Variants in COL5A2 observed in about 807,000 individuals in gnomAD.
COL5A2 encodes collagen alpha-2(V) chain.
In COL5A2, 23 loss-of-function variants were observed where a neutral mutation model predicts 208.2. The observed-to-expected ratio is 0.11, with a 90% CI of 0.08 to 0.16. The LOEUF (loss-of-function observed/expected upper bound fraction) is 0.16. Among genes scored for constraint, COL5A2 ranks in the 10% least tolerant of loss-of-function variants. The probability of loss-of-function intolerance (pLI) is 1.00; values close to 1 mark genes in which losing one functional copy is unlikely to be tolerated. For missense variants in COL5A2, 1,590 were observed against 1,956.4 expected (o/e 0.81, Z 3.53); for synonymous variants, 625 against 628.5 (o/e 0.99, Z 0.08).
At chr2:189,245,235 C>A in the COL5A2 span, among the ~76,000 whole-genome samples, 20 of 151,900 alleles carry the variant, frequency 1.3e-4, no homozygotes, top group African/African-American at 4.6e-4. Flanking sequence ...GCTTTTTTTT[C>A]TATTTGAATA....
the COL5A2 span, among the ~76,000 whole-genome samples, chr2:189,341,581 C>T: frequency 6.6e-6 from 1 of 152,032 alleles, no homozygotes; most frequent in African/African-American, 2.4e-5. Context: ...AACAAGCACA[C>T]AATAATTTGT....
chr2:189,309,767 G>T, the COL5A2 span, among the ~76,000 whole-genome samples: 2 of 152,268 alleles, frequency 1.3e-5, no homozygotes, highest in East Asian at 3.9e-4. Flanking sequence ...GTTAAACACT[G>T]TGATGTGACC....
the COL5A2 span, among the ~76,000 whole-genome samples, chr2:189,348,683 CTTGGG>C: frequency 6.6e-6 from 1 of 152,148 alleles, no homozygotes; most frequent in Non-Finnish European, 1.5e-5. Flanking sequence ...CATTTCCCTT[CTTGGG>C]TTAACTGGCA....
chr2:189,179,676 G>A lies in COL5A2; in HGVS notation c.-72C>T. The stretch of plus-strand genomic sequence containing the variant: ...TCTGAGGTTATTGTAGCACCATGAA[G>A]TCAGCTGTGGGCTCTTCTTTCAGCA... On this transcript the variant is annotated 5_prime_UTR_variant, in exon 1 of 54. Transcript: ENST00000374866. The A allele has an allele frequency of 1.9e-6, 3 of 1,548,598 alleles. No individual in the cohort carries two copies. Among genetic ancestry groups the A allele is most frequent in the Non-Finnish European group, 2.6e-6 (3 of 1,148,004 alleles).
chr2:189,439,199 C>T, the COL5A2 span, among the ~76,000 whole-genome samples: 41 of 152,262 alleles, frequency 2.7e-4, no homozygotes, highest in Middle Eastern at 0.01. Flanking sequence ...ATAAATACAT[C>T]AAAAGTATAA....
At chr2:189,173,711 T>C (rs1688618334) in intron 1 of COL5A2, among the ~76,000 whole-genome samples, 1 of 152,216 alleles carries the variant, frequency 6.6e-6, no homozygotes, top group Non-Finnish European at 1.5e-5. Flanking sequence ...ACTTCATATT[T>C]ATCAGTAAGT....
chr2:189,219,923 G>A (rs1430571208), intron 1 of COL5A2, among the ~76,000 whole-genome samples: 3 of 151,930 alleles, frequency 2.0e-5, no homozygotes, highest in Non-Finnish European at 2.9e-5. Flanking sequence ...ATACCATACT[G>A]TCATCGTGAA....
chr2:189,269,786 T>G, the COL5A2 span, among the ~76,000 whole-genome samples: 1 of 152,174 alleles, frequency 6.6e-6, no homozygotes, highest in African/African-American at 2.4e-5. Flanking sequence ...CTTTTTCTAC[T>G]GTTTGGAATG....
the COL5A2 span, among the ~76,000 whole-genome samples, chr2:189,400,056 C>A: frequency 6.6e-6 from 1 of 152,206 alleles, no homozygotes; most frequent in Admixed American, 6.5e-5. Flanking sequence ...GACAGTAATA[C>A]ATCTCTTTAT....
At chr2:189,061,733 C>A in intron 29 of COL5A2, 118 bp from the exon 30 acceptor site, 1 of 821,696 alleles carries the variant, frequency 1.2e-6, no homozygotes, top group Non-Finnish European at 2.1e-6. Context: ...ACATGTTTTT[C>A]TCTTTAGCCA....
At chr2:189,298,959 T>G in the COL5A2 span, among the ~76,000 whole-genome samples, 1 of 152,212 alleles carries the variant, frequency 6.6e-6, no homozygotes, top group Non-Finnish European at 1.5e-5. Flanking sequence ...CTCAGACTTT[T>G]CAGCTTTGAC....
chr2:189,403,836 G>A, the COL5A2 span, among the ~76,000 whole-genome samples: 390 of 152,234 alleles, frequency 2.6e-3, 3 homozygotes, highest in African/African-American at 8.9e-3. Context: ...TTGTTCAAGC[G>A]ATTATCCTGC....
the COL5A2 span, among the ~76,000 whole-genome samples, chr2:189,393,976 C>G: frequency 6.6e-6 from 1 of 152,118 alleles, no homozygotes; most frequent in Admixed American, 6.6e-5. Context: ...TTTATGCTCC[C>G]CATCTGTTGT....
At chr2:189,284,899 C>T in the COL5A2 span, among the ~76,000 whole-genome samples, 1 of 152,102 alleles carries the variant, frequency 6.6e-6, no homozygotes, top group Admixed American at 6.6e-5. Context: ...TTATGTGGCA[C>T]ATGACTGTAT....
At chr2:189,291,273 A>T in the COL5A2 span, among the ~76,000 whole-genome samples, 5 of 152,090 alleles carry the variant, frequency 3.3e-5, no homozygotes, top group East Asian at 9.6e-4. Context: ...ATATCCACTC[A>T]ATAGAGAAGG....
intron 1 of COL5A2, among the ~76,000 whole-genome samples, chr2:189,140,051 C>A (rs554737979): frequency 6.6e-6 from 1 of 150,932 alleles, no homozygotes; most frequent in Non-Finnish European, 1.5e-5. Flanking sequence ...CCAGTCTGGG[C>A]GACACAGAGA....
chr2:189,037,174 T>C (rs781558671), intron 51 of COL5A2, among the ~76,000 whole-genome samples: 1 of 152,168 alleles, frequency 6.6e-6, no homozygotes, highest in African/African-American at 2.4e-5. Flanking sequence ...AACAAAATAA[T>C]GTAAATAATG....
the COL5A2 span, among the ~76,000 whole-genome samples, chr2:189,371,923 T>C: frequency 2.0e-5 from 3 of 152,188 alleles, no homozygotes; most frequent in Admixed American, 6.5e-5. Flanking sequence ...CAAGAGCTAA[T>C]AGCCAAGATA....
the COL5A2 span, among the ~76,000 whole-genome samples, chr2:189,281,754 T>A: frequency 1.2e-4 from 19 of 152,320 alleles, no homozygotes; most frequent in East Asian, 3.5e-3. Context: ...ACAAAGTCCC[T>A]GATCTTTCAG....
Sources: gnomAD v4.1 joint callset for allele counts (sites outside exome capture counted in the v4.1 genomes callset) on GRCh38, gnomAD v4.1.1 for gene constraint, MANE v1.5 for transcripts, NCBI Gene and HGNC (gene_info 2026-07-23, HGNC 2026-07-21) for gene names.